Variants in SHROOM3 observed in about 807,000 individuals in gnomAD.
SHROOM3 encodes shroom family member 3.
In SHROOM3, 47 loss-of-function variants were observed where a neutral mutation model predicts 138.6. The ratio of observed to expected loss-of-function variants is 0.34; its 90% CI spans 0.27 to 0.43. SHROOM3 has a LOEUF of 0.43. Among genes scored for constraint, SHROOM3 ranks in the 20% least tolerant of loss-of-function variants. The pLI, the probability that SHROOM3 is intolerant of heterozygous loss-of-function variation, is 1.00. For synonymous variants in SHROOM3, 1,062 were observed against 1,063.3 expected, an observed-to-expected ratio of 1.00 and a Z score of 0.02; for missense variants, 2,491 against 2,596.5, an observed-to-expected ratio of 0.96 and a Z score of 0.88.
chr4:76,504,602 A>G (rs1294580462), intron 1 of SHROOM3, among the ~76,000 whole-genome samples: 2 of 152,240 alleles, frequency 1.3e-5, no homozygotes, highest in African/African-American at 4.8e-5. Flanking sequence ...TTGAACTTTT[A>G]AATATAGATT....
chr4:76,453,894 A>G (rs1001931849), intron 1 of SHROOM3, among the ~76,000 whole-genome samples: 1 of 152,180 alleles, frequency 6.6e-6, no homozygotes, highest in Non-Finnish European at 1.5e-5. Context: ...AAAGCACACT[A>G]CTTTTTCTTT....
At chr4:76,712,586 T>C (rs1245061276) in intron 3 of SHROOM3, among the ~76,000 whole-genome samples, 1 of 152,262 alleles carries the variant, frequency 6.6e-6, no homozygotes, top group Non-Finnish European at 1.5e-5. Flanking sequence ...AGCTGGCCGA[T>C]GGCGCTATGT....
chr4:76,720,868 C>T (rs1213337788), intron 3 of SHROOM3, among the ~76,000 whole-genome samples: 1 of 151,744 alleles, frequency 6.6e-6, no homozygotes, highest in Admixed American at 6.6e-5. Flanking sequence ...CCTCGGCCTC[C>T]CAAAGTGCTG....
chr4:76,588,627 C>T (rs931378096), intron 2 of SHROOM3, among the ~76,000 whole-genome samples: 5 of 152,132 alleles, frequency 3.3e-5, no homozygotes, highest in Non-Finnish European at 7.4e-5. Context: ...CCAGCCTTGG[C>T]CCCTGACTTT....
At position 76,494,249 on chromosome 4, in the gene SHROOM3, C is replaced by A. The variant is rs75612012; in HGVS notation, c.168+58029C>A. On this transcript the variant is annotated intron_variant, in intron 1 of 10. Coordinates refer to ENST00000296043, the MANE Select transcript of SHROOM3 (RefSeq NM_020859.4). Reference sequence around the variant, plus strand: ...TGAAATTCTTTTCTAAACTTCTGAACCTTTTCAGGTGTTATTTATGCTCAT... The same window carrying A: ...TGAAATTCTTTTCTAAACTTCTGAAACTTTTCAGGTGTTATTTATGCTCAT... Among the ~76,000 whole-genome samples the A allele has an allele frequency of 5.5e-3, 828 of 151,308 alleles. 9 individuals carry two copies. Among genetic ancestry groups the A allele is most frequent in the African/African-American group, 0.019 (779 of 41,178 alleles).
chr4:76,779,054 G>C lies in SHROOM3; in HGVS notation c.5868G>C (p.Leu1956=). 2 of 1,614,212 alleles carry C rather than the reference G, an allele frequency of 1.2e-6. No individual in the cohort carries two copies. The highest frequency in any genetic ancestry group is 1.7e-6 in the Non-Finnish European group (2 of 1,180,038). ...QEQVKCLLES[L]PSDFIPKAGA... ...AGGTCAAGTGTCTGCTGGAGAGCCT[G>C]CCCTCAGATTTCATTCCCAAGGCTG... The change falls in exon 11 of 11, where the codon CTG becomes CTC. Residue 1956 remains leucine, a synonymous_variant. Transcript: ENST00000296043.
chr4:76,630,255 G>A (rs7694149), intron 2 of SHROOM3, among the ~76,000 whole-genome samples: 18,416 of 152,116 alleles, frequency 0.12, 1,282 homozygotes, highest in East Asian at 0.29. Context: ...AAAATTACAC[G>A]AAATGGTTAC....
At chr4:76,755,297 G>A in intron 7 of SHROOM3, 105 bp downstream of exon 7, 2 of 1,340,410 alleles carry the variant, frequency 1.5e-6, no homozygotes, top group Non-Finnish European at 2.1e-6. Flanking sequence ...GCATGGAGAT[G>A]TTTCTATACA....
At chr4:76,457,582 C>T (rs1203676247) in intron 1 of SHROOM3, among the ~76,000 whole-genome samples, 4 of 151,518 alleles carry the variant, frequency 2.6e-5, no homozygotes, top group African/African-American at 9.7e-5. Flanking sequence ...ACCTCTGCCT[C>T]CTGGGTTCAA....
intron 2 of SHROOM3, among the ~76,000 whole-genome samples, chr4:76,701,419 A>G (rs1413128225): frequency 6.6e-6 from 1 of 152,250 alleles, no homozygotes; most frequent in African/African-American, 2.4e-5. Context: ...CGTGTGGCTT[A>G]GAAGTCCTGA....
intron 2 of SHROOM3, among the ~76,000 whole-genome samples, chr4:76,707,407 T>TA (rs1720089039): frequency 6.6e-6 from 1 of 152,186 alleles, no homozygotes; most frequent in South Asian, 2.1e-4. Context: ...CTCTCCTTCA[T>TA]AAAAAAGTTG....
chr4:76,606,010 T>A (rs60809577), intron 2 of SHROOM3, among the ~76,000 whole-genome samples: 3,580 of 103,572 alleles, frequency 0.035, 22 homozygotes, highest in African/African-American at 0.055. Flanking sequence ...TATATATATT[T>A]TTTTTTTTTT....
intron 1 of SHROOM3, among the ~76,000 whole-genome samples, chr4:76,536,591 C>T (rs1732958845): frequency 1.3e-5 from 2 of 152,098 alleles, no homozygotes; most frequent in South Asian, 4.1e-4. Context: ...CCTCCATGCC[C>T]CTGTTGTCTT....
chr4:76,748,774 G>T (rs915862938), intron 5 of SHROOM3, among the ~76,000 whole-genome samples: 9 of 150,158 alleles, frequency 6.0e-5, no homozygotes, highest in Admixed American at 5.3e-4. Context: ...GTTAGAGGAG[G>T]CACCTGGTGA....
chr4:76,565,114 T>C (rs1442377586), intron 2 of SHROOM3, among the ~76,000 whole-genome samples: 2 of 145,014 alleles, frequency 1.4e-5, no homozygotes, highest in African/African-American at 2.6e-5. Context: ...TGAGCTGAGA[T>C]TGCACCATTG....
intron 1 of SHROOM3, among the ~76,000 whole-genome samples, chr4:76,536,725 C>CTCTCTCTT (rs1385173903): frequency 2.6e-5 from 4 of 152,196 alleles, no homozygotes; most frequent in Non-Finnish European, 5.9e-5. Context: ...CTTTTCACTT[C>CTCTCTCTT]TCTCTCTTAT....
rs112792886 is a variant in SHROOM3 at position 76,524,957 on chromosome 4, T to G, written c.169-30652T>G. ...TAAGTTTCCATTTTTCTGGAATAAA[T>G]GCCCAGAAGAGTGCAATTGCTAGAT... On this transcript the variant is annotated intron_variant, in intron 1 of 10. Transcript: ENST00000296043. 1.5e-3 allele frequency among the ~76,000 whole-genome samples: 227 copies of G among 152,324 alleles called. 1 individual carries two copies. The highest frequency in any genetic ancestry group is 5.2e-3 in the African/African-American group (218 of 41,574).
rs1294316952 is a variant in SHROOM3, at chr4:76,782,843, T to G, written c.*3666T>G. ...AGTATTTCCTGCTGCCTTAACTCTTTGGGATGCATAGGATAAAATGATAAA... is the reference window on the plus strand; with the variant it reads ...AGTATTTCCTGCTGCCTTAACTCTTGGGGATGCATAGGATAAAATGATAAA... On this transcript the variant is annotated 3_prime_UTR_variant, in exon 11 of 11. Transcript: ENST00000296043. 2.6e-5 allele frequency: 4 copies of G among 152,210 alleles called. No individual in the cohort carries two copies. In the South Asian group the frequency reaches 8.3e-4, roughly 32 times the overall value. 9.4% of individuals were successfully genotyped at this position (152,210 alleles called of 1,614,324 possible). A position where few individuals can be genotyped will look rare whatever the true frequency, so the allele number is the denominator to read the frequency against.
chr4:76,479,556 T>C (rs1731561384), intron 1 of SHROOM3, among the ~76,000 whole-genome samples: 2 of 152,254 alleles, frequency 1.3e-5, no homozygotes, highest in South Asian at 4.1e-4. Flanking sequence ...GAAAACACTC[T>C]TCAGGATATT....
Sources: allele counts gnomAD v4.1 joint callset (sites outside exome capture counted in the v4.1 genomes callset), GRCh38; gene constraint gnomAD v4.1.1; transcripts MANE v1.5; gene names NCBI Gene and HGNC (gene_info 2026-07-23, HGNC 2026-07-21).